COL4A2: variants seen among roughly 807,000 people sequenced by gnomAD.
COL4A2 encodes collagen type IV alpha 2 chain, also known as collagen alpha-2(IV) chain.
In COL4A2, 99 loss-of-function variants were observed where a neutral mutation model predicts 200.2. The observed-to-expected ratio is 0.49, with a 90% confidence interval of 0.42 to 0.58. The LOEUF (loss-of-function observed/expected upper bound fraction) is 0.58. Ranked by LOEUF, COL4A2 falls within the 20% of genes least tolerant of loss-of-function variation. The probability of loss-of-function intolerance (pLI) is 0.00; values close to 1 mark genes in which losing one functional copy is unlikely to be tolerated. For synonymous variants in COL4A2, 897 were observed against 900.6 expected (o/e 1.00, Z 0.07); for missense variants, 1,950 against 2,314.1 (o/e 0.84, Z 3.23).
chr13:110,333,507 C>T (rs12859068), intron 3 of COL4A2, among the ~76,000 whole-genome samples: 15,502 of 152,260 alleles, frequency 0.1, 901 homozygotes, highest in Middle Eastern at 0.18. Flanking sequence ...CTGATCTCTT[C>T]TTTAATTCTC....
intron 41 of COL4A2, 69 bp from the exon 42 acceptor site, chr13:110,503,052 G>A (rs552129979): frequency 5.9e-5 from 85 of 1,444,936 alleles, no homozygotes; most frequent in Non-Finnish European, 7.9e-5. Context: ...GGGTGACGGT[G>A]CACCTGACTG....
intron 27 of COL4A2, among the ~76,000 whole-genome samples, chr13:110,468,902 C>T (rs1029328614): frequency 6.6e-6 from 1 of 152,192 alleles, no homozygotes; most frequent in African/African-American, 2.4e-5. Flanking sequence ...AGAAAGTTGT[C>T]CACGGTCACA....
chr13:110,355,322 T>TGTG (rs1160628262), intron 3 of COL4A2, among the ~76,000 whole-genome samples: 1 of 127,964 alleles, frequency 7.8e-6, no homozygotes, highest in African/African-American at 3.9e-5. Context: ...CAACTGTGTG[T>TGTG]GGGAGAGGGC....
intron 4 of COL4A2, among the ~76,000 whole-genome samples, chr13:110,377,272 C>T (rs1391721696): frequency 6.6e-6 from 1 of 152,206 alleles, no homozygotes; most frequent in Non-Finnish European, 1.5e-5. Context: ...TCTGCCCTTG[C>T]TTGGGGTCAG....
At chr13:110,311,624 G>A (rs558647939) in intron 3 of COL4A2, among the ~76,000 whole-genome samples, 2 of 152,288 alleles carry the variant, frequency 1.3e-5, no homozygotes, top group East Asian at 1.9e-4. Context: ...GTGCCAGGAG[G>A]TATCCCCTGG....
rs1272730436 is a variant in COL4A2, at chr13:110,429,970, A to C, written c.549+14A>C. 6.3e-7 allele frequency: 1 copy of C among 1,584,476 alleles called. No individual in the cohort carries two copies. Among genetic ancestry groups the C allele is most frequent in the Non-Finnish European group, 8.6e-7 (1 of 1,168,610 alleles). ...GACAGATATCGGGTACGTTTGCAAG[A>C]GATGGGAGGGGTAATGAAGGGACCC... On this transcript the variant is annotated intron_variant, in intron 8 of 47. Coordinates refer to ENST00000360467, the MANE Select transcript of COL4A2 (RefSeq NM_001846.4).
intron 8 of COL4A2, 188 bp from the exon 9 acceptor site, chr13:110,430,207 AAATATT>A: frequency 2.8e-6 from 2 of 702,444 alleles, no homozygotes; most frequent in Non-Finnish European, 4.1e-6. Flanking sequence ...TAATATTAGT[AAATATT>A]AATATTACTA....
chr13:110,430,938 C>T (rs543639811), intron 10 of COL4A2: 76 of 518,450 alleles, frequency 1.5e-4, no homozygotes, highest in Non-Finnish European at 2.3e-4. Context: ...AAACCAAAGT[C>T]CCACAGGTTC....
intron 4 of COL4A2, among the ~76,000 whole-genome samples, chr13:110,413,765 C>A (rs367671166): frequency 6.6e-6 from 1 of 152,324 alleles, no homozygotes. Context: ...CTTTGCTTCA[C>A]AAATGAGACA....
chr13:110,494,495 T>C (rs1037002195), intron 39 of COL4A2, among the ~76,000 whole-genome samples: 1 of 152,236 alleles, frequency 6.6e-6, no homozygotes. Flanking sequence ...TTTATTATTA[T>C]GTCTTTTTTT....
At position 110,473,484 on chromosome 13, in the gene COL4A2, T is replaced by G. The variant is rs567131338; in HGVS notation, c.2425+334T>G. On this transcript the variant is annotated intron_variant, in intron 29 of 47. Transcript: ENST00000360467. ...CTTGGCAGAATCTGTACAGGTGGTA[T>G]GAAGAAAAGATGGGCCCTGGCCATG... 52 of 282,834 alleles carry G rather than the reference T, an allele frequency of 1.8e-4. 1 individual carries two copies. The highest frequency in any genetic ancestry group is 3.3e-4 in the Non-Finnish European group (50 of 152,720). 17.5% of individuals were successfully genotyped at this position (282,834 alleles called of 1,614,324 possible). A position where few individuals can be genotyped will look rare whatever the true frequency, so the allele number is the denominator to read the frequency against.
chr13:110,433,450 G>A (rs1880759090), intron 11 of COL4A2, among the ~76,000 whole-genome samples: 1 of 152,218 alleles, frequency 6.6e-6, no homozygotes. Context: ...GAGAGGGACT[G>A]TGGGGGACTC....
intron 13 of COL4A2, among the ~76,000 whole-genome samples, chr13:110,437,167 G>A (rs1416010847): frequency 6.6e-6 from 1 of 152,234 alleles, no homozygotes; most frequent in Non-Finnish European, 1.5e-5. Context: ...ATCCTGGGGC[G>A]GATTTGGCAG....
At chr13:110,428,715 A>T in intron 7 of COL4A2, 132 bp downstream of exon 7, 3 of 457,510 alleles carry the variant, frequency 6.6e-6, no homozygotes, top group Non-Finnish European at 1.1e-5. Flanking sequence ...CGCCCAAGAC[A>T]TGACGTTTCT....
chr13:110,478,228 C>G, intron 30 of COL4A2, 64 bp downstream of exon 30: 6 of 1,418,368 alleles, frequency 4.2e-6, no homozygotes, highest in Non-Finnish European at 5.6e-6. Flanking sequence ...AGAATGAGCA[C>G]TGTCTTCTTG....
chr13:110,331,408 T>G (rs1206992088), intron 3 of COL4A2, among the ~76,000 whole-genome samples: 1 of 152,218 alleles, frequency 6.6e-6, no homozygotes, highest in Admixed American at 6.5e-5. Context: ...TCTGGCTTAT[T>G]AACGTCAACA....
chr13:110,357,708 A>G (rs1877342170), intron 4 of COL4A2, among the ~76,000 whole-genome samples, 156 bp downstream of exon 4: 2 of 152,210 alleles, frequency 1.3e-5, no homozygotes, highest in Non-Finnish European at 2.9e-5. Flanking sequence ...GGCCGGGCCT[A>G]CTACACACCC....
intron 4 of COL4A2, among the ~76,000 whole-genome samples, chr13:110,416,087 G>A (rs1030433134): frequency 3.3e-5 from 5 of 152,174 alleles, no homozygotes; most frequent in African/African-American, 1.2e-4. Flanking sequence ...AGTAGTTGCC[G>A]CCTATGCTAA....
At chr13:110,312,283 G>A (rs1885005645) in intron 3 of COL4A2, among the ~76,000 whole-genome samples, 1 of 152,206 alleles carries the variant, frequency 6.6e-6, no homozygotes, top group South Asian at 2.1e-4. Flanking sequence ...GGAGAGGTGG[G>A]TAGGAAGGGT....
Sources: allele counts gnomAD v4.1 joint callset (sites outside exome capture counted in the v4.1 genomes callset), GRCh38; gene constraint gnomAD v4.1.1; transcripts MANE v1.5; gene names NCBI Gene and HGNC (gene_info 2026-07-23, HGNC 2026-07-21).